Variants in ESR2 observed in about 807,000 individuals in gnomAD.
ESR2 encodes the protein estrogen receptor beta.
Under a neutral mutation model 49.6 loss-of-function variants are expected in ESR2, and 36 were observed. The ratio of observed to expected loss-of-function variants is 0.73; its 90% CI spans 0.56 to 0.96. The LOEUF (loss-of-function observed/expected upper bound fraction) is 0.96, where lower values mean the gene tolerates loss of function less well. ESR2 is among the 40% of genes least tolerant of loss of function. The pLI is 0.00. For missense variants in ESR2, 714 were observed against 693.0 expected, an observed-to-expected ratio of 1.03 and a Z score of -0.34; for synonymous variants, 320 against 266.1, an observed-to-expected ratio of 1.20 and a Z score of -1.97.
At position 64,249,633 on chromosome 14, in the gene ESR2, G is replaced by A. The variant is rs888179672; in HGVS notation, c.1138C>T (p.Leu380Phe). 1.2e-6 allele frequency: 2 copies of A among 1,613,668 alleles called. No homozygotes were observed. The highest frequency in any genetic ancestry group is 1.7e-6 in the Non-Finnish European group (2 of 1,179,864). Residue 380 changes from leucine to phenylalanine, a missense_variant, in exon 7 of 9, where the codon CTC becomes TTC. By Grantham distance (22) the Leu-to-Phe change is conservative (BLOSUM62 0). Transcript: ENST00000341099. ...CGAAACCTTGAAGTAGTTGCCAGGA[G>A]CATGTCAAAGATTTCCAGAATTCCT... ...VEGILEIFDM[L>F]LATTSRFREL...
chr14:64,227,256 T>G, downstream of ESR2: 1 of 464,250 alleles, frequency 2.2e-6, no homozygotes, highest in Non-Finnish European at 3.8e-6. Context: ...GCCTCAGCTT[T>G]CTACATTGGT....
At chr14:64,257,525 T>A in intron 5 of ESR2, 161 bp from the exon 6 acceptor site, 2 of 897,154 alleles carry the variant, frequency 2.2e-6, no homozygotes, top group South Asian at 1.8e-5. Flanking sequence ...GGAAGAAAAC[T>A]TTGAAGTTAA....
At chr14:64,290,976 G>C (rs181420302) in intron 1 of ESR2, among the ~76,000 whole-genome samples, 1 of 152,180 alleles carries the variant, frequency 6.6e-6, no homozygotes, top group Non-Finnish European at 1.5e-5. Flanking sequence ...GCAGGGGTGG[G>C]AGAGAGTTCA....
upstream of ESR2, among the ~76,000 whole-genome samples, chr14:64,296,016 C>A (rs1030634751): frequency 7.1e-6 from 1 of 141,802 alleles, no homozygotes; most frequent in Non-Finnish European, 1.5e-5. Flanking sequence ...TGCATTCCAG[C>A]CTGGGCGACA....
In ESR2 at chr14:64,234,712, C is replaced by G. The variant is rs1109056; in HGVS notation, c.1406+258G>C. On this transcript the variant is annotated intron_variant, in intron 8 of 8. Transcript: ENST00000341099. ...CCCCTTTTAGGACTCCATAAACAGG[C>G]TATAAACCCCAGCAATTGAAAAACC... 66,579 of 706,144 alleles carry G rather than the reference C, an allele frequency of 0.094. 5,456 individuals are homozygous for G. Among genetic ancestry groups the G allele is most frequent in the African/African-American group, 0.35 (19,275 of 55,792 alleles). The allele number at this position is 706,144 out of a possible 1,614,324, so 43.7% of individuals were successfully genotyped here. A position where few individuals can be genotyped will look rare whatever the true frequency, so the allele number is the denominator to read the frequency against.
downstream of ESR2, chr14:64,227,311 G>A: frequency 1.7e-6 from 1 of 581,156 alleles, no homozygotes; most frequent in Non-Finnish European, 3.0e-6. Flanking sequence ...CAGTTAAGGA[G>A]ACCATCTGAA....
intron 7 of ESR2, among the ~76,000 whole-genome samples, chr14:64,243,340 A>ACAGT: frequency 6.6e-6 from 1 of 152,258 alleles, no homozygotes; most frequent in African/African-American, 2.4e-5. Flanking sequence ...TCACTGTAAT[A>ACAGT]GATATAATGA....
chr14:64,319,889 A>T (rs984773647), intron 1 of ESR2, among the ~76,000 whole-genome samples: 2 of 152,216 alleles, frequency 1.3e-5, no homozygotes, highest in African/African-American at 4.8e-5. Flanking sequence ...TAACAAAACT[A>T]AACATATTCT....
chr14:64,332,620 G>A (rs1053092545), intron 1 of ESR2, among the ~76,000 whole-genome samples: 3 of 151,818 alleles, frequency 2.0e-5, no homozygotes, highest in Admixed American at 2.0e-4. Context: ...CTAACACGGT[G>A]AAACCCCGTC....
In ESR2 at chr14:64,268,867, C is replaced by T. The variant is rs145278854; in HGVS notation, c.580G>A (p.Asp194Asn). 16 of 1,613,572 alleles carry T rather than the reference C, an allele frequency of 9.9e-6. No individual in the cohort carries two copies. The highest frequency in any genetic ancestry group is 2.2e-5 in the East Asian group (1 of 44,878). ...TGGCAGCTCTTGCGCCGGTTTTTAT[C>T]GATTGTACACTGATTTGTAGCTGGA... ...ICPATNQCTI[D>N]KNRRKSCQAC... is the part of the protein sequence containing the mutation. Residue 194 changes from aspartate to asparagine, a missense_variant, in exon 4 of 9, where the codon GAT becomes AAT. Coordinates refer to ENST00000341099, the MANE Select transcript of ESR2 (RefSeq NM_001437.3).
chr14:64,252,712 C>T (rs2076013198), intron 6 of ESR2, among the ~76,000 whole-genome samples: 1 of 152,154 alleles, frequency 6.6e-6, no homozygotes, highest in Non-Finnish European at 1.5e-5. Context: ...AGAACTCACT[C>T]ACTCTCATGA....
At chr14:64,284,152 C>G (rs1375881336) in intron 1 of ESR2, among the ~76,000 whole-genome samples, 3 of 152,082 alleles carry the variant, frequency 2.0e-5, no homozygotes, top group Admixed American at 6.6e-5. Context: ...TGGTCTCAAA[C>G]TCCTGATCTC....
intron 1 of ESR2, among the ~76,000 whole-genome samples, chr14:64,313,465 C>T (rs565179803): frequency 6.5e-5 from 9 of 137,648 alleles, no homozygotes; most frequent in African/African-American, 1.1e-4. Flanking sequence ...ACCTGGGAGG[C>T]GGAGGTTCCA....
intron 3 of ESR2, among the ~76,000 whole-genome samples, chr14:64,278,124 T>C (rs1034693455): frequency 6.6e-6 from 1 of 152,242 alleles, no homozygotes; most frequent in Admixed American, 6.5e-5. Flanking sequence ...AAAATCAATA[T>C]TGTTCTTATC....
At chr14:64,278,284 C>T (rs960069) in intron 3 of ESR2, among the ~76,000 whole-genome samples, 98,919 of 151,986 alleles carry the variant, frequency 0.65, 33,846 homozygotes, top group African/African-American at 0.88. Flanking sequence ...GAGGAGGAAA[C>T]AGGCTAGGAG....
chr14:64,236,443 T>C (rs1285593885), intron 7 of ESR2, among the ~76,000 whole-genome samples: 1 of 152,088 alleles, frequency 6.6e-6, no homozygotes, highest in African/African-American at 2.4e-5. Flanking sequence ...TGGCCCCGTG[T>C]GTCCCCTTCT....
chr14:64,281,089 A>G (rs1377930893), intron 2 of ESR2, among the ~76,000 whole-genome samples: 2 of 152,212 alleles, frequency 1.3e-5, no homozygotes, highest in African/African-American at 4.8e-5. Flanking sequence ...AGACAAGAAA[A>G]AGGGGGAAGA....
chr14:64,327,280 G>A (rs925519051), intron 1 of ESR2, among the ~76,000 whole-genome samples: 2 of 152,142 alleles, frequency 1.3e-5, no homozygotes, highest in Non-Finnish European at 2.9e-5. Flanking sequence ...TATATAGTTG[G>A]CCAGGCACAG....
rs1187021333 is a variant in ESR2 at position 64,231,192 on chromosome 14, GTTT to G, written c.*1942_*1944del. 6.6e-6 allele frequency: 1 copy of G among 152,116 alleles called. No individual in the cohort carries two copies. Among genetic ancestry groups the G allele is most frequent in the East Asian group, 1.9e-4 (1 of 5,192 alleles). The allele number at this position is 152,116 out of a possible 1,614,324, so 9.4% of individuals were successfully genotyped here. A position where few individuals can be genotyped will look rare whatever the true frequency, so the allele number is the denominator to read the frequency against. ...AGCCACCACATCTGGCCTTGTTTTG[GTTT>G]TTTATGTTTTTGTTACCTGGTAATC... On this transcript the variant is annotated 3_prime_UTR_variant, in exon 9 of 9. Transcript: ENST00000341099.
Sources: gnomAD v4.1 joint callset for allele counts (sites outside exome capture counted in the v4.1 genomes callset) on GRCh38, gnomAD v4.1.1 for gene constraint, MANE v1.5 for transcripts, NCBI Gene and HGNC (gene_info 2026-07-23, HGNC 2026-07-21) for gene names.